CCR5AS: variants seen among roughly 807,000 people sequenced by gnomAD.
CCR5AS encodes CCR5 antisense RNA.
intron 1 of CCR5AS, among the ~76,000 whole-genome samples, chr3:46,396,245 C>A (rs1261320449): frequency 6.6e-6 from 1 of 152,150 alleles, no homozygotes; most frequent in Non-Finnish European, 1.5e-5. Context: ...GTCTGCCCAA[C>A]TCGACTGACC....
At chr3:46,376,573 A>G (rs1257576395) in intron 2 of CCR5AS, among the ~76,000 whole-genome samples, 1 of 152,210 alleles carries the variant, frequency 6.6e-6, no homozygotes, top group Non-Finnish European at 1.5e-5. Context: ...TATGTTTGAA[A>G]ATGAAGAAGA....
intron 1 of CCR5AS, among the ~76,000 whole-genome samples, chr3:46,395,347 G>A (rs1199070792): frequency 6.6e-6 from 1 of 152,100 alleles, no homozygotes; most frequent in Non-Finnish European, 1.5e-5. Flanking sequence ...TCGACATCTG[G>A]GGTCACAGGC....
At chr3:46,405,357 T>G (rs1374250945) in intron 1 of CCR5AS, among the ~76,000 whole-genome samples, 3 of 152,226 alleles carry the variant, frequency 2.0e-5, no homozygotes, top group African/African-American at 7.2e-5. Flanking sequence ...CTCTGTGACA[T>G]GCGGTACATG....
downstream of CCR5AS, among the ~76,000 whole-genome samples, chr3:46,364,234 G>T (rs936600842): frequency 6.6e-5 from 10 of 152,244 alleles, no homozygotes; most frequent in African/African-American, 2.4e-4. Context: ...CCACAGGACA[G>T]GCTGACTCTC....
At chr3:46,390,433 TGTAGGCTTTAA>T (rs1406254688) in intron 2 of CCR5AS, among the ~76,000 whole-genome samples, 8 of 152,118 alleles carry the variant, frequency 5.3e-5, no homozygotes, top group Non-Finnish European at 1.0e-4. Flanking sequence ...AAGGAGAATT[TGTAGGCTTTAA>T]GAGGCCATGT....
intron 2 of CCR5AS, among the ~76,000 whole-genome samples, chr3:46,391,613 C>A (rs1701914920): frequency 1.3e-5 from 2 of 152,134 alleles, no homozygotes; most frequent in African/African-American, 4.8e-5. Flanking sequence ...TGGGAGAGGT[C>A]AGCTAAAGAA....
intron 2 of CCR5AS, among the ~76,000 whole-genome samples, chr3:46,382,458 C>A (rs1320611688): frequency 6.6e-6 from 1 of 152,206 alleles, no homozygotes; most frequent in Non-Finnish European, 1.5e-5. Flanking sequence ...TATTACACTT[C>A]CGCTCTTAAA....
chr3:46,387,818 A>G (rs1303004303), intron 2 of CCR5AS, among the ~76,000 whole-genome samples: 1 of 152,258 alleles, frequency 6.6e-6, no homozygotes, highest in East Asian at 1.9e-4. Context: ...GGGCGGTTTT[A>G]TAGGATTTGT....
At chr3:46,395,016 A>G (rs934964649) in intron 1 of CCR5AS, among the ~76,000 whole-genome samples, 1 of 152,014 alleles carries the variant, frequency 6.6e-6, no homozygotes, top group South Asian at 2.1e-4. Flanking sequence ...AATGGAGGAG[A>G]GCCCCTAGGT....
chr3:46,385,973 A>C (rs1357212213), intron 2 of CCR5AS, among the ~76,000 whole-genome samples: 2 of 152,000 alleles, frequency 1.3e-5, no homozygotes, highest in Non-Finnish European at 2.9e-5. Context: ...ACAGGGTCTC[A>C]CTTTGTTGGC....
chr3:46,389,180 C>T (rs1417031594), intron 2 of CCR5AS, among the ~76,000 whole-genome samples: 3 of 151,906 alleles, frequency 2.0e-5, no homozygotes, highest in Non-Finnish European at 2.9e-5. Context: ...GTATTAGGCT[C>T]ATAAGGGTTA....
chr3:46,397,106 C>G (rs1284246125), intron 1 of CCR5AS, among the ~76,000 whole-genome samples: 1 of 152,196 alleles, frequency 6.6e-6, no homozygotes, highest in Admixed American at 6.5e-5. Context: ...GGCCGGCTCC[C>G]ATCCATGCGC....
chr3:46,393,294 G>A (rs1416573048), intron 1 of CCR5AS, among the ~76,000 whole-genome samples: 5 of 151,696 alleles, frequency 3.3e-5, no homozygotes, highest in East Asian at 1.9e-4. Flanking sequence ...AGGCAGGAGC[G>A]GCCTATTTTC....
chr3:46,402,280 A>G (rs938123569), intron 1 of CCR5AS, among the ~76,000 whole-genome samples: 9 of 152,148 alleles, frequency 5.9e-5, no homozygotes, highest in Admixed American at 3.3e-4. Flanking sequence ...GCTACTAATT[A>G]TTGGGTACTG....
chr3:46,373,365 G>C, intron 2 of CCR5AS: 4 of 1,613,726 alleles, frequency 2.5e-6, no homozygotes, highest in Non-Finnish European at 3.4e-6. Context: ...CACTTGGGTG[G>C]TGGCTGTGTT....
At chr3:46,379,102 T>C (rs1701789776) in intron 2 of CCR5AS, among the ~76,000 whole-genome samples, 1 of 150,684 alleles carries the variant, frequency 6.6e-6, no homozygotes, top group African/African-American at 2.4e-5. Flanking sequence ...ACATGTGCCA[T>C]GCTGGTGCGC....
At chr3:46,376,802 C>G (rs1037148000) in intron 2 of CCR5AS, among the ~76,000 whole-genome samples, 5 of 152,136 alleles carry the variant, frequency 3.3e-5, no homozygotes, top group African/African-American at 9.7e-5. Context: ...GGGTCACGTT[C>G]ACATTTTGAA....
rs529418343 is a variant in CCR5AS at position 46,387,275 on chromosome 3, A to G, written n.391+5550T>C. ...TGGAAAGGAGACCCATGACCATCCAAGGAAGATGTCCCATCACAGAACTGC... is the reference window on the plus strand; with the variant it reads ...TGGAAAGGAGACCCATGACCATCCAGGGAAGATGTCCCATCACAGAACTGC... On this transcript the variant is annotated intron_variant and non_coding_transcript_variant, in intron 2 of 3. Transcript: ENST00000451485. Among the ~76,000 whole-genome samples, 4 of 152,332 alleles carry G rather than the reference A, an allele frequency of 2.6e-5. No individual in the cohort carries two copies. The East Asian group carries it at 7.7e-4, about 29-fold the overall frequency.
intron 2 of CCR5AS, among the ~76,000 whole-genome samples, chr3:46,386,304 T>A (rs570815104): frequency 3.1e-4 from 47 of 152,364 alleles, no homozygotes; most frequent in African/African-American, 1.0e-3. Flanking sequence ...AATTCCTTCT[T>A]GTGACAGCGT....
Sources: gnomAD v4.1 joint callset for allele counts (sites outside exome capture counted in the v4.1 genomes callset) on GRCh38, gnomAD v4.1.1 for gene constraint, MANE v1.5 for transcripts, NCBI Gene and HGNC (gene_info 2026-07-23, HGNC 2026-07-21) for gene names.